The following NKAIN2 variants were observed in gnomAD, a reference collection of about 807,000 sequenced individuals.
The protein encoded by NKAIN2 is sodium/potassium transporting ATPase interacting 2.
Under a neutral mutation model 32.6 loss-of-function variants are expected in NKAIN2, and 14 were observed. That is an observed-to-expected ratio of 0.43 (90% CI 0.28 to 0.67). NKAIN2 has a LOEUF of 0.67. Ranked by LOEUF, NKAIN2 falls within the 30% of genes least tolerant of loss-of-function variation. The pLI, the probability that NKAIN2 is intolerant of heterozygous loss-of-function variation, is 0.17. For synonymous variants in NKAIN2, 80 were observed against 87.2 expected, an observed-to-expected ratio of 0.92 and a Z score of 0.46; for missense variants, 198 against 258.3, an observed-to-expected ratio of 0.77 and a Z score of 1.60.
At chr6:124,560,200 T>G (rs553117470) in intron 3 of NKAIN2, among the ~76,000 whole-genome samples, 1 of 152,288 alleles carries the variant, frequency 6.6e-6, no homozygotes, top group South Asian at 2.1e-4. Flanking sequence ...AATTAAATCA[T>G]GGGGGCAGTT....
At chr6:124,579,227 G>C (rs1371784810) in intron 3 of NKAIN2, among the ~76,000 whole-genome samples, 1 of 152,128 alleles carries the variant, frequency 6.6e-6, no homozygotes, top group Non-Finnish European at 1.5e-5. Flanking sequence ...CATGACCATC[G>C]AGGAAAACAG....
At chr6:124,454,105 T>TGG (rs1562195088) in intron 3 of NKAIN2, among the ~76,000 whole-genome samples, 1 of 130,648 alleles carries the variant, frequency 7.7e-6, no homozygotes, top group Non-Finnish European at 1.6e-5. Flanking sequence ...GGTTTTTTTT[T>TGG]TGGGGGGGGG....
intron 3 of NKAIN2, among the ~76,000 whole-genome samples, chr6:124,630,359 T>C (rs569374492): frequency 6.6e-6 from 1 of 152,332 alleles, no homozygotes; most frequent in Admixed American, 6.5e-5. Context: ...TTCAGAGCTT[T>C]GGCACTAAGA....
intron 3 of NKAIN2, among the ~76,000 whole-genome samples, chr6:124,545,348 A>G (rs1445425736): frequency 6.6e-6 from 1 of 152,134 alleles, no homozygotes; most frequent in Non-Finnish European, 1.5e-5. Context: ...TCTCCCTATT[A>G]AAACTATAAT....
chr6:124,687,331 C>T (rs568666210), intron 4 of NKAIN2, among the ~76,000 whole-genome samples: 2 of 132,686 alleles, frequency 1.5e-5, no homozygotes, highest in Non-Finnish European at 3.2e-5. Context: ...TATATATATT[C>T]CATACATATA....
chr6:124,176,399 G>A (rs1789159262), intron 1 of NKAIN2, among the ~76,000 whole-genome samples: 1 of 151,926 alleles, frequency 6.6e-6, no homozygotes, highest in Non-Finnish European at 1.5e-5. Flanking sequence ...GAATTCTTTG[G>A]GATTTTCTAT....
At chr6:124,394,595 G>C (rs1212716663) in intron 3 of NKAIN2, among the ~76,000 whole-genome samples, 2 of 150,726 alleles carry the variant, frequency 1.3e-5, no homozygotes, top group Non-Finnish European at 2.9e-5. Flanking sequence ...CCCAATATCT[G>C]CAGTCTGCAG....
At chr6:124,263,373 G>A (rs1196393964) in intron 1 of NKAIN2, among the ~76,000 whole-genome samples, 1 of 152,106 alleles carries the variant, frequency 6.6e-6, no homozygotes, top group African/African-American at 2.4e-5. Flanking sequence ...AGCAACCACA[G>A]GGCATCCGTA....
chr6:124,705,874 G>A lies in NKAIN2; in HGVS notation c.474+47488G>A, dbSNP rs2325912. Among the ~76,000 whole-genome samples, 1,075 of 152,124 alleles carry A rather than the reference G, an allele frequency of 7.1e-3. 19 individuals carry two copies. Among genetic ancestry groups the A allele is most frequent in the African/African-American group, 0.025 (1,033 of 41,518 alleles). ...TTTAAAACAGACAGTCAAAGAAGTA[G>A]CATGAAGAGCTCTGAAGCAGCAGAG... On this transcript the variant is annotated intron_variant, in intron 4 of 6. Transcript: ENST00000368417.
intron 1 of NKAIN2, among the ~76,000 whole-genome samples, chr6:123,840,568 T>C (rs1774828038): frequency 6.6e-6 from 1 of 152,140 alleles, no homozygotes; most frequent in African/African-American, 2.4e-5. Context: ...AAGTAATTGC[T>C]TATGTAGGTA....
At chr6:124,579,491 G>T (rs1260298921) in intron 3 of NKAIN2, among the ~76,000 whole-genome samples, 2 of 152,200 alleles carry the variant, frequency 1.3e-5, no homozygotes, top group African/African-American at 4.8e-5. Flanking sequence ...GAGCAGAATT[G>T]ATCAAGCACA....
At chr6:123,863,379 T>C (rs541526708) in intron 1 of NKAIN2, among the ~76,000 whole-genome samples, 1 of 152,362 alleles carries the variant, frequency 6.6e-6, no homozygotes, top group South Asian at 2.1e-4. Context: ...TCACTCTTCA[T>C]TGTTACTTCC....
chr6:124,696,513 G>A (rs1243933934), intron 4 of NKAIN2, among the ~76,000 whole-genome samples: 2 of 152,040 alleles, frequency 1.3e-5, no homozygotes, highest in Non-Finnish European at 2.9e-5. Context: ...CAGATTTGCT[G>A]TCTACCGGAC....
Position 124,140,454 on chromosome 6 carries a change from T to C in NKAIN2, c.55-142551T>C, listed in dbSNP as rs184448863. 7.0e-4 allele frequency among the ~76,000 whole-genome samples: 107 copies of C among 152,324 alleles called. No homozygotes were observed. The East Asian group carries it at 7.1e-3, about 10-fold the overall frequency. On this transcript the variant is annotated intron_variant, in intron 1 of 6. Coordinates refer to ENST00000368417, the MANE Select transcript of NKAIN2 (RefSeq NM_001040214.3). Reference sequence around the variant, plus strand: ...AAGACATGATCTATGCAGTGGATTTTATGAGCTCAGTTACATATGTTACCT... The same window carrying C: ...AAGACATGATCTATGCAGTGGATTTCATGAGCTCAGTTACATATGTTACCT...
chr6:124,556,527 G>C (rs975821571), intron 3 of NKAIN2, among the ~76,000 whole-genome samples: 2 of 152,078 alleles, frequency 1.3e-5, no homozygotes, highest in South Asian at 2.1e-4. Context: ...TTATGTTCTT[G>C]CTTCTCCTTT....
intron 1 of NKAIN2, among the ~76,000 whole-genome samples, chr6:124,110,796 T>C (rs986102407): frequency 1.3e-4 from 20 of 152,180 alleles, no homozygotes; most frequent in African/African-American, 3.6e-4. Context: ...CAACCCACCA[T>C]GAGTGGGCAC....
At chr6:124,054,786 G>C (rs1233288863) in intron 1 of NKAIN2, among the ~76,000 whole-genome samples, 2 of 151,958 alleles carry the variant, frequency 1.3e-5, no homozygotes, top group Non-Finnish European at 2.9e-5. Flanking sequence ...TGGAAGATGT[G>C]GGGAAGGAGT....
At chr6:123,948,809 T>C (rs2114577274) in intron 1 of NKAIN2, among the ~76,000 whole-genome samples, 1 of 152,036 alleles carries the variant, frequency 6.6e-6, no homozygotes, top group Middle Eastern at 3.4e-3. Flanking sequence ...CCTGTGCTTT[T>C]CAGGTCTTAG....
At chr6:123,905,285 A>T (rs879572077) in intron 1 of NKAIN2, among the ~76,000 whole-genome samples, 6 of 152,070 alleles carry the variant, frequency 3.9e-5, no homozygotes, top group Admixed American at 3.3e-4. Context: ...GTTGACATAG[A>T]GGGGCCTCGG....
Sources: gnomAD v4.1 joint callset for allele counts (sites outside exome capture counted in the v4.1 genomes callset) on GRCh38, gnomAD v4.1.1 for gene constraint, MANE v1.5 for transcripts, NCBI Gene and HGNC (gene_info 2026-07-23, HGNC 2026-07-21) for gene names.